CAMTA2: variants seen among roughly 807,000 people sequenced by gnomAD.
CAMTA2 encodes calmodulin-binding transcription activator 2.
In CAMTA2, 56 loss-of-function variants were observed where a neutral mutation model predicts 135.7. The observed-to-expected ratio is 0.41, with a 90% CI of 0.33 to 0.52. The LOEUF is 0.52. Among genes scored for constraint, CAMTA2 ranks in the 20% least tolerant of loss-of-function variants. The pLI is 0.16. For synonymous variants in CAMTA2, 591 were observed against 604.6 expected, an observed-to-expected ratio of 0.98 and a Z score of 0.33; for missense variants, 1,358 against 1,553.4, an observed-to-expected ratio of 0.87 and a Z score of 2.11.
Position 4,972,346 on chromosome 17 carries a change from A to G in CAMTA2, c.2694T>C (p.Tyr898=), listed in dbSNP as rs749213515. The G allele has an allele frequency of 4.6e-5, 74 of 1,613,604 alleles. No individual in the cohort carries two copies. Among genetic ancestry groups the G allele is most frequent in the Non-Finnish European group, 5.3e-5 (63 of 1,179,790 alleles). ...VPEAPLLLMD[Y]EATNSKGPLS... ...GGGGCCCCTTGGAGTTGGTAGCCTC[A>G]TAGTCCATGAGGAGTAGGGGGGCTT... is the stretch of plus-strand genomic sequence containing the variant. Residue 898 remains tyrosine (Y), a synonymous_variant, in exon 16 of 23, where the codon TAT becomes TAC. Transcript: ENST00000348066.
At chr17:4,974,199 G>T in intron 12 of CAMTA2, 186 bp downstream of exon 12, 1 of 591,010 alleles carries the variant, frequency 1.7e-6, no homozygotes, top group Non-Finnish European at 3.0e-6. Flanking sequence ...ATGCCAAGAG[G>T]GTGCCCAGAA....
chr17:4,968,571 G>T lies in CAMTA2; in HGVS notation c.*185C>A. On this transcript the variant is annotated 3_prime_UTR_variant, in exon 23 of 23. Transcript: ENST00000348066. ...GCCAGGACCAAAAGAGACGGGGCAC[G>T]ACCAGGAGGGACGAGGAGAGGGGTG... 1 of 644,770 alleles carries T rather than the reference G, an allele frequency of 1.6e-6. No homozygotes were observed. Among genetic ancestry groups the T allele is most frequent in the South Asian group, 1.8e-5 (1 of 54,588 alleles). The allele number at this position is 644,770 out of a possible 1,614,324, so 39.9% of individuals were successfully genotyped here.
chr17:4,977,265 G>T, intron 10 of CAMTA2, 73 bp from the exon 11 acceptor site: 1 of 1,566,902 alleles, frequency 6.4e-7, no homozygotes, highest in South Asian at 1.1e-5. Flanking sequence ...GTCAGCCACA[G>T]ACAATTATTC....
chr17:4,986,677 G>A (rs532149313), intron 1 of CAMTA2: 1 of 537,166 alleles, frequency 1.9e-6, no homozygotes, highest in South Asian at 2.3e-5. Context: ...CCTGGATCCT[G>A]GGGGCAGGGC....
At chr17:4,976,331 C>A (rs912088114) in intron 11 of CAMTA2, among the ~76,000 whole-genome samples, 25 of 152,236 alleles carry the variant, frequency 1.6e-4, no homozygotes, top group East Asian at 1.4e-3. Flanking sequence ...CTATTTTGTG[C>A]TTTTGTGTAA....
At chr17:4,970,990 A>G (rs1042295743) in intron 16 of CAMTA2, among the ~76,000 whole-genome samples, 5 of 151,904 alleles carry the variant, frequency 3.3e-5, no homozygotes, top group African/African-American at 1.2e-4. Context: ...TGAAGCCTAT[A>G]CTCCAGCACT....
Position 4,968,537 on chromosome 17 carries a change from T to G in CAMTA2, c.*219A>C, listed in dbSNP as rs1252127667. 2 of 586,954 alleles carry G rather than the reference T, an allele frequency of 3.4e-6. No homozygotes were observed. The highest frequency in any genetic ancestry group is 4.1e-5 in the South Asian group (2 of 48,356). 36.4% of individuals were successfully genotyped at this position (586,954 alleles called of 1,614,324 possible). A position where few individuals can be genotyped will look rare whatever the true frequency, so the allele number is the denominator to read the frequency against. ...AAGATGCAGGTATGTGGGGCGCGGG[T>G]TTTCTGGAGCCAGGACCAAAAGAGA... On this transcript the variant is annotated 3_prime_UTR_variant, in exon 23 of 23. Coordinates refer to ENST00000348066, the MANE Select transcript of CAMTA2 (RefSeq NM_015099.4).
chr17:4,972,804 A>T lies in CAMTA2; in HGVS notation c.2468T>A (p.Phe823Tyr), dbSNP rs1422846429. The T allele has an allele frequency of 6.2e-7, 1 of 1,613,816 alleles. No homozygotes were observed. Residue 823 changes from phenylalanine to tyrosine, a missense_variant, in exon 15 of 23, where the codon TTT becomes TAT. By Grantham distance (22) the Phe-to-Tyr change is conservative. Around this residue, in one of 4 missense-constraint regions of CAMTA2, gnomAD observed 1,077 missense variants for 1,127.5 expected, o/e 0.96. Coordinates refer to ENST00000348066, the MANE Select transcript of CAMTA2 (RefSeq NM_015099.4). ...GCTGGAGGAGGGTGGCGATAGGGCAAATGGGGGCTCCACCGAAGGCTCCTG... is the reference window on the plus strand; with the variant it reads ...GCTGGAGGAGGGTGGCGATAGGGCATATGGGGGCTCCACCGAAGGCTCCTG... The part of the protein sequence containing the change: ...QRQEPSVEPP[F>Y]ALSPPSSSPD...
chr17:4,972,533 A>G lies in CAMTA2; in HGVS notation c.2507T>C (p.Leu836Pro), dbSNP rs1315193034. The G allele has an allele frequency of 1.2e-6, 2 of 1,602,556 alleles. No individual in the cohort carries two copies. ...SPPSSSPDTG[L>P]SSVSSPSELS... ...CTCCGAGGGCGAGGAGACGCTGCTC[A>G]GACCTGTGTGGGGAGGGAAGAGAGT... The change falls in exon 16 of 23, where the codon CTG becomes CCG. Residue 836 changes from leucine (L) to proline (P), a missense_variant. Transcript: ENST00000348066.
rs952267549 is a variant in CAMTA2 at position 4,980,465 on chromosome 17, G to C, written c.857C>G (p.Ala286Gly). 1 of 1,612,922 alleles carries C rather than the reference G, an allele frequency of 6.2e-7. No individual in the cohort carries two copies. The change falls in exon 9 of 23, where the codon GCA becomes GGA. Residue 286 changes from alanine (A) to glycine (G), a missense_variant. Ala to Gly is a moderately conservative substitution (Grantham distance 60). Transcript: ENST00000348066. This position sits in a 1 kb window ranked among gnomAD's most constrained non-coding sequence, Gnocchi z 5.3. ...AGAGGAAGAAGATGGGGAGGTGTGTGCCTTGGGGAGCTCTGGGGGAAGTGG... is the reference window on the plus strand; with the variant it reads ...AGAGGAAGAAGATGGGGAGGTGTGTCCCTTGGGGAGCTCTGGGGGAAGTGG... ...IAPLPPELPK[A>G]HTSPSSSSSS...
In CAMTA2 at chr17:4,977,044, G is replaced by A; in HGVS notation, c.1900+14C>T. The stretch of plus-strand genomic sequence containing the variant: ...GTGGGCTGGATACTTGGGTTCAGAG[G>A]GCTGGGTACTCACCGTCCAGTGACA... On this transcript the variant is annotated intron_variant, in intron 11 of 22. Transcript: ENST00000348066. 6.2e-7 allele frequency: 1 copy of A among 1,614,024 alleles called. No individual in the cohort carries two copies. The highest frequency in any genetic ancestry group is 8.5e-7 in the Non-Finnish European group (1 of 1,179,910).
Position 4,977,176 on chromosome 17 carries a change from C to T in CAMTA2, c.1782G>A (p.Leu594=), listed in dbSNP as rs943788193. ...RCYCPAHEVG[L]VSLQVAGREG... is the part of the protein sequence containing the mutation. ...CCCGCCCTGCCACCTGCAAAGACAC[C>T]AGCCCTACCTCATGGGCTGGAGAGG... Residue 594 remains leucine (L), a synonymous_variant, in exon 11 of 23, where the codon CTG becomes CTA. Transcript: ENST00000348066. 1 of 1,613,842 alleles carries T rather than the reference C, an allele frequency of 6.2e-7. No homozygotes were observed. The highest frequency in any genetic ancestry group is 8.5e-7 in the Non-Finnish European group (1 of 1,179,958).
chr17:4,970,612 G>C (rs1185780294), intron 16 of CAMTA2, 76 bp from the exon 17 acceptor site: 1 of 1,226,962 alleles, frequency 8.2e-7, no homozygotes, highest in Non-Finnish European at 1.2e-6. Context: ...TTCCTATCTT[G>C]TTCCTTCTCT....
At chr17:4,971,533 T>C (rs1371844833) in intron 16 of CAMTA2, among the ~76,000 whole-genome samples, 4 of 152,072 alleles carry the variant, frequency 2.6e-5, no homozygotes, top group African/African-American at 9.7e-5. Flanking sequence ...TGTGTAGAGA[T>C]GGGGTCTTGT....
At chr17:4,981,541 C>T in intron 7 of CAMTA2, 137 bp downstream of exon 7, 1 of 1,270,428 alleles carries the variant, frequency 7.9e-7, no homozygotes, top group South Asian at 1.4e-5. Flanking sequence ...TACCTGAGAA[C>T]ACACCGGGAA....
rs1007614005 is a variant in CAMTA2 at position 4,972,910 on chromosome 17, A to T, written c.2362T>A (p.Ser788Thr). The T allele has an allele frequency of 1.2e-5, 20 of 1,613,792 alleles. No individual in the cohort carries two copies. The highest frequency in any genetic ancestry group is 1.7e-5 in the Non-Finnish European group (20 of 1,180,026). The part of the protein sequence containing the change: ...WNRQALSIPD[S>T]LGRLPLSVAH... Reference sequence around the variant, plus strand: ...ACAGACAATGGCAGACGGCCCAGAGAGTCGGGAATGCTCAGTGCCTGTCGG... The same window carrying T: ...ACAGACAATGGCAGACGGCCCAGAGTGTCGGGAATGCTCAGTGCCTGTCGG... The change falls in exon 15 of 23, where the codon TCT (serine) becomes ACT (threonine). Residue 788 changes from serine (S) to threonine (T), a missense_variant. Coordinates refer to ENST00000348066, the MANE Select transcript of CAMTA2 (RefSeq NM_015099.4).
intron 3 of CAMTA2, among the ~76,000 whole-genome samples, chr17:4,985,096 G>T (rs1346672826): frequency 6.6e-6 from 1 of 152,044 alleles, no homozygotes; most frequent in Admixed American, 6.6e-5. Flanking sequence ...TGAGGCAGGG[G>T]AATCACTTGA....
chr17:4,977,220 G>C, intron 10 of CAMTA2, 28 bp from the exon 11 acceptor site: 1 of 1,606,218 alleles, frequency 6.2e-7, no homozygotes, highest in Non-Finnish European at 8.5e-7. Context: ...AGCGAGAAGG[G>C]CTCTCTTTCC....
In CAMTA2 at chr17:4,972,223, A is replaced by G. The variant is rs1180471919; in HGVS notation, c.2808+9T>C. ...CTAGCCCCCATAACTCCATCAATAT[A>G]AGCAGTACCGGGATCACATCCACAG... is the stretch of plus-strand genomic sequence containing the variant. On this transcript the variant is annotated intron_variant, in intron 16 of 22. Transcript: ENST00000348066. 3 of 1,609,416 alleles carry G rather than the reference A, an allele frequency of 1.9e-6. No homozygotes were observed. The highest frequency in any genetic ancestry group is 2.5e-6 in the Non-Finnish European group (3 of 1,176,980).
Sources: allele counts gnomAD v4.1 joint callset (sites outside exome capture counted in the v4.1 genomes callset), GRCh38; gene constraint gnomAD v4.1.1; regional missense constraint gnomAD v4.1.1; non-coding constraint Gnocchi (gnomAD v3.1); transcripts MANE v1.5; gene names NCBI Gene and HGNC (gene_info 2026-07-23, HGNC 2026-07-21).